The following NUP210 variants were observed in gnomAD, a reference collection of about 807,000 sequenced individuals.
NUP210 encodes nucleoporin 210, also known as nuclear pore membrane glycoprotein 210.
Under a neutral mutation model 196.0 loss-of-function variants are expected in NUP210, and 151 were observed. The ratio of observed to expected loss-of-function variants is 0.77; its 90% CI spans 0.67 to 0.88. The LOEUF is 0.88. Among genes scored for constraint, NUP210 ranks in the 40% least tolerant of loss-of-function variants. The pLI, the probability that NUP210 is intolerant of heterozygous loss-of-function variation, is 0.00. For synonymous variants in NUP210, 1,070 were observed against 1,052.7 expected, an observed-to-expected ratio of 1.02 and a Z score of -0.32; for missense variants, 2,314 against 2,493.7, an observed-to-expected ratio of 0.93 and a Z score of 1.53.
chr3:13,381,292 C>A (rs13087341), intron 6 of NUP210, among the ~76,000 whole-genome samples: 88,623 of 152,100 alleles, frequency 0.58, 27,067 homozygotes, highest in African/African-American at 0.77. Context: ...GGGAAATGAA[C>A]ATGCTTACAT....
intron 4 of NUP210, among the ~76,000 whole-genome samples, chr3:13,389,895 G>A (rs567301687): frequency 1.3e-5 from 2 of 152,116 alleles, no homozygotes; most frequent in African/African-American, 4.8e-5. Context: ...CTGGCCGTGA[G>A]GGAACAGCAG....
chr3:13,350,842 G>A lies in NUP210; in HGVS notation c.2835+1037C>T, dbSNP rs1697947129. ...CGAGTAGCTGGGAATACAGGCGCCC[G>A]CCACTACGCCTGGCTAATTTTTTTT... On this transcript the variant is annotated intron_variant, in intron 20 of 39. Coordinates refer to ENST00000254508, the MANE Select transcript of NUP210 (RefSeq NM_024923.4). This position sits in a 1 kb window ranked among gnomAD's most constrained non-coding sequence, Gnocchi z 4.1. 6.6e-6 allele frequency among the ~76,000 whole-genome samples: 1 copy of A among 151,764 alleles called. No homozygotes were observed. Among genetic ancestry groups the A allele is most frequent in the Non-Finnish European group, 1.5e-5 (1 of 67,912 alleles).
chr3:13,420,056 T>C lies in NUP210; in HGVS notation c.167+4A>G. On this transcript the variant is annotated splice_donor_region_variant and intron_variant, in intron 1 of 39. Coordinates refer to ENST00000254508, the MANE Select transcript of NUP210 (RefSeq NM_024923.4). The surrounding 1 kb of genome is among the most constrained non-coding windows in gnomAD (Gnocchi z 4.8). ...CGCCCGCCCGGCCCGGCCGCGCGCC[T>C]CACCAGCGGTAGCAGCCCTCCGAGG... 1.5e-6 allele frequency: 2 copies of C among 1,302,250 alleles called. No individual in the cohort carries two copies. Among genetic ancestry groups the C allele is most frequent in the Non-Finnish European group, 9.9e-7 (1 of 1,007,192 alleles). 80.7% of individuals were successfully genotyped at this position (1,302,250 alleles called of 1,614,324 possible).
At chr3:13,386,252 T>A (rs1443012658) in intron 6 of NUP210, 23 bp downstream of exon 6, 1 of 1,602,336 alleles carries the variant, frequency 6.2e-7, no homozygotes, top group Non-Finnish European at 8.5e-7. Flanking sequence ...GCATCTGTCA[T>A]GATGGCAGAG....
In NUP210 at chr3:13,340,414, C is replaced by G. The variant is rs999281682; in HGVS notation, c.3229-116G>C. Reference sequence around the variant, plus strand: ...AACCTGGGACATGGACATCACTTCTCTCTGAGCAGTGACCAGAGGGCCCAG... The same window carrying G: ...AACCTGGGACATGGACATCACTTCTGTCTGAGCAGTGACCAGAGGGCCCAG... On this transcript the variant is annotated intron_variant, in intron 23 of 39. Transcript: ENST00000254508. This position sits in a 1 kb window ranked among gnomAD's most constrained non-coding sequence, Gnocchi z 4.0. 1.1e-6 allele frequency: 1 copy of G among 909,054 alleles called. No individual in the cohort carries two copies. Among genetic ancestry groups the G allele is most frequent in the African/African-American group, 1.6e-5 (1 of 61,038 alleles). 56.3% of individuals were successfully genotyped at this position (909,054 alleles called of 1,614,324 possible).
At chr3:13,366,803 C>T (rs1698554509) in intron 13 of NUP210, among the ~76,000 whole-genome samples, 1 of 151,610 alleles carries the variant, frequency 6.6e-6, no homozygotes, top group Non-Finnish European at 1.5e-5. Context: ...AGGCATGAGC[C>T]ACCGCACCCG....
In NUP210 at chr3:13,351,808, A is replaced by C. The variant is rs775720734; in HGVS notation, c.2835+71T>G. The C allele has an allele frequency of 1.4e-5, 14 of 1,001,514 alleles. No individual in the cohort carries two copies. In the African/African-American group the frequency reaches 1.6e-4, roughly 11 times the overall value. The allele number at this position is 1,001,514 out of a possible 1,614,324, so 62.0% of individuals were successfully genotyped here. A position where few individuals can be genotyped will look rare whatever the true frequency, so the allele number is the denominator to read the frequency against. On this transcript the variant is annotated intron_variant, in intron 20 of 39. Transcript: ENST00000254508. ...TCAAGTGCTAGCTTTCAAAATGATC[A>C]ATCAATTAACCACACAACAGCCCAG... is the stretch of plus-strand genomic sequence containing the variant.
intron 15 of NUP210, among the ~76,000 whole-genome samples, 178 bp from the exon 16 acceptor site, chr3:13,358,573 G>A (rs891358360): frequency 4.6e-5 from 7 of 152,118 alleles, no homozygotes; most frequent in Non-Finnish European, 8.8e-5. Context: ...AGGTGGGAAT[G>A]CACTTTCTCA....
chr3:13,350,380 A>C lies in NUP210; in HGVS notation c.2835+1499T>G, dbSNP rs1221643240. 6.6e-6 allele frequency among the ~76,000 whole-genome samples: 1 copy of C among 152,230 alleles called. No individual in the cohort carries two copies. The highest frequency in any genetic ancestry group is 6.5e-5 in the Admixed American group (1 of 15,282). ...GCATGGGGATGGGGAATCAGTACCC[A>C]GAGTTTCTACAATACATTACCTAAA... On this transcript the variant is annotated intron_variant, in intron 20 of 39. Coordinates refer to ENST00000254508, the MANE Select transcript of NUP210 (RefSeq NM_024923.4). The surrounding 1 kb of genome is among the most constrained non-coding windows in gnomAD (Gnocchi z 4.1).
intron 39 of NUP210, 80 bp downstream of exon 39, chr3:13,318,992 C>T: frequency 7.3e-7 from 1 of 1,361,542 alleles, no homozygotes; most frequent in East Asian, 2.5e-5. Context: ...ACTTAGGGTT[C>T]AGGAGCCTCG....
At chr3:13,394,790 C>T (rs771925056) in intron 3 of NUP210, among the ~76,000 whole-genome samples, 13 of 152,194 alleles carry the variant, frequency 8.5e-5, no homozygotes, top group Non-Finnish European at 1.6e-4. Context: ...ACAGATAAGG[C>T]ACATCATTTC....
chr3:13,401,945 AAC>A (rs1483764318), intron 1 of NUP210, among the ~76,000 whole-genome samples: 3 of 152,142 alleles, frequency 2.0e-5, no homozygotes, highest in Non-Finnish European at 4.4e-5. Context: ...CTCTAATCCT[AAC>A]ACTTTGGGAG....
chr3:13,333,821 A>G (rs1697099948), intron 28 of NUP210, among the ~76,000 whole-genome samples: 1 of 151,710 alleles, frequency 6.6e-6, no homozygotes, highest in Non-Finnish European at 1.5e-5. Context: ...ATGCATTCCT[A>G]TTTTCTCTCT....
intron 14 of NUP210, among the ~76,000 whole-genome samples, chr3:13,363,985 G>C (rs941540182): frequency 2.0e-5 from 3 of 152,136 alleles, no homozygotes; most frequent in African/African-American, 7.2e-5. Flanking sequence ...CAGAATGCCT[G>C]CTGTGCTCGG....
At chr3:13,390,888 C>A (rs1453502854) in intron 4 of NUP210, among the ~76,000 whole-genome samples, 2 of 152,358 alleles carry the variant, frequency 1.3e-5, no homozygotes, top group African/African-American at 4.8e-5. Context: ...ACTGGCCCCC[C>A]AGAAGTGCAG....
At chr3:13,341,577 T>G (rs1042214535) in intron 23 of NUP210, among the ~76,000 whole-genome samples, 171 bp downstream of exon 23, 19 of 152,216 alleles carry the variant, frequency 1.2e-4, no homozygotes, top group African/African-American at 4.6e-4. Flanking sequence ...CTAACTTTGC[T>G]GCCTCCCAGA....
At chr3:13,337,969 T>C (rs1697292988) in intron 25 of NUP210, 52 bp from the exon 26 acceptor site, 2 of 1,554,802 alleles carry the variant, frequency 1.3e-6, no homozygotes, top group Non-Finnish European at 1.8e-6. Context: ...TGGCCAGGGA[T>C]GTTTCAGGAA....
rs772112069 is a variant in NUP210 at position 13,330,516 on chromosome 3, C to G, written c.4054G>C (p.Glu1352Gln). ...SGSMIGTSTI[E>Q]VIAQEPFGAN... ...CCAAAGGGCTCTTGTGCAATCACTTCGATGGTGGATGTCCCGATCATAGAC... is the reference window on the plus strand; with the variant it reads ...CCAAAGGGCTCTTGTGCAATCACTTGGATGGTGGATGTCCCGATCATAGAC... The change falls in exon 30 of 40, where the codon GAA becomes CAA. Residue 1352 changes from glutamate (E) to glutamine (Q), a missense_variant. Coordinates refer to ENST00000254508, the MANE Select transcript of NUP210 (RefSeq NM_024923.4). The G allele has an allele frequency of 4.3e-6, 7 of 1,614,202 alleles. No individual in the cohort carries two copies. The East Asian group carries it at 1.6e-4, about 36-fold the overall frequency.
rs1699050826 is a variant in NUP210 at position 13,379,994 on chromosome 3, T to G, written c.818-273A>C. On this transcript the variant is annotated intron_variant, in intron 6 of 39. Transcript: ENST00000254508. This position sits in a 1 kb window ranked among gnomAD's most constrained non-coding sequence, Gnocchi z 4.2. ...AACCACAATCTATTTGCCAACTGCT[T>G]GGAGAATATTAACATTATGCCATTT... 6.6e-6 allele frequency among the ~76,000 whole-genome samples: 1 copy of G among 152,152 alleles called. No homozygotes were observed. The highest frequency in any genetic ancestry group is 1.5e-5 in the Non-Finnish European group (1 of 68,026).
Sources: allele counts gnomAD v4.1 joint callset (sites outside exome capture counted in the v4.1 genomes callset), GRCh38; gene constraint gnomAD v4.1.1; non-coding constraint Gnocchi (gnomAD v3.1); transcripts MANE v1.5; gene names NCBI Gene and HGNC (gene_info 2026-07-23, HGNC 2026-07-21).